The following CALN1 variants were observed in gnomAD, a reference collection of about 807,000 sequenced individuals.
CALN1 encodes the protein calneuron 1, also known as calcium-binding protein 8.
Under a neutral mutation model 30.6 loss-of-function variants are expected in CALN1, and 17 were observed. The observed-to-expected ratio is 0.56, with a 90% CI of 0.38 to 0.83. CALN1 has a LOEUF of 0.83. Ranked by LOEUF, CALN1 falls within the 40% of genes least tolerant of loss-of-function variation. The pLI is 0.00. For synonymous variants in CALN1, 156 were observed against 131.4 expected (o/e 1.19, Z -1.28); for missense variants, 291 against 354.9 (o/e 0.82, Z 1.45).
chr7:71,934,597 G>A (rs1018632714), intron 5 of CALN1, among the ~76,000 whole-genome samples: 1 of 152,162 alleles, frequency 6.6e-6, no homozygotes, highest in South Asian at 2.1e-4. Context: ...TGAACTAACA[G>A]AACGAGAACT....
chr7:72,403,463 C>G (rs904999654), intron 1 of CALN1, 21 bp from the exon 2 acceptor site: 4 of 978,378 alleles, frequency 4.1e-6, no homozygotes, highest in African/African-American at 3.3e-5. Context: ...TTGACAGAAA[C>G]TTACAGCCTG....
intron 5 of CALN1, among the ~76,000 whole-genome samples, chr7:71,816,580 T>A (rs1788275391): frequency 6.6e-6 from 1 of 151,532 alleles, no homozygotes; most frequent in African/African-American, 2.4e-5. Context: ...TGTTGAGAGG[T>A]TGCTGTCATT....
intron 3 of CALN1, among the ~76,000 whole-genome samples, chr7:72,109,773 G>C (rs918443330): frequency 2.0e-5 from 3 of 152,200 alleles, no homozygotes; most frequent in African/African-American, 7.2e-5. Flanking sequence ...CAGAGGCCAG[G>C]CCTCCCGACG....
At chr7:71,952,469 A>C (rs1428435792) in intron 5 of CALN1, among the ~76,000 whole-genome samples, 1 of 152,172 alleles carries the variant, frequency 6.6e-6, no homozygotes, top group Admixed American at 6.5e-5. Flanking sequence ...GCTCTGGGTG[A>C]GGGGAAGGGG....
chr7:72,220,532 A>T (rs916954622), intron 3 of CALN1, among the ~76,000 whole-genome samples: 1 of 150,040 alleles, frequency 6.7e-6, no homozygotes, highest in Non-Finnish European at 1.5e-5. Context: ...TAGCAGCATG[A>T]TTTATAATCC....
chr7:72,113,241 C>G (rs1404141937), intron 3 of CALN1, among the ~76,000 whole-genome samples: 1 of 152,052 alleles, frequency 6.6e-6, no homozygotes, highest in Non-Finnish European at 1.5e-5. Context: ...TGCATGAGTC[C>G]TCAATTAGTT....
Position 72,119,123 on chromosome 7 carries a change from A to C in CALN1, c.245-12829T>G, listed in dbSNP as rs979028904. 2.0e-5 allele frequency among the ~76,000 whole-genome samples: 3 copies of C among 152,182 alleles called. No homozygotes were observed. The East Asian group carries it at 5.8e-4, about 29-fold the overall frequency. ...TTTCTTTGCTCATGGGTATTTTCAAAGTCTCTATTGTAAACTTGCTGTATT... is the reference window on the plus strand; with the variant it reads ...TTTCTTTGCTCATGGGTATTTTCAACGTCTCTATTGTAAACTTGCTGTATT... On this transcript the variant is annotated intron_variant, in intron 3 of 6. Coordinates refer to ENST00000395275, the MANE Select transcript of CALN1 (RefSeq NM_031468.4).
intron 2 of CALN1, among the ~76,000 whole-genome samples, chr7:72,326,350 C>A (rs1293507475): frequency 6.6e-6 from 1 of 152,214 alleles, no homozygotes; most frequent in Non-Finnish European, 1.5e-5. Context: ...AGCCGTGACC[C>A]TGTGCAACAT....
chr7:72,461,022 C>T, the CALN1 span, among the ~76,000 whole-genome samples: 1 of 152,138 alleles, frequency 6.6e-6, no homozygotes, highest in African/African-American at 2.4e-5. Flanking sequence ...TCCAGCTTCC[C>T]CTCTCCTTCC....
At chr7:72,189,662 G>A (rs766961440) in intron 3 of CALN1, among the ~76,000 whole-genome samples, 27 of 151,944 alleles carry the variant, frequency 1.8e-4, no homozygotes, top group Non-Finnish European at 3.2e-4. Flanking sequence ...CAGCTACTCC[G>A]GAGGCTGAGG....
intron 5 of CALN1, among the ~76,000 whole-genome samples, chr7:71,820,433 C>T (rs1396780412): frequency 6.6e-6 from 1 of 152,222 alleles, no homozygotes; most frequent in African/African-American, 2.4e-5. Flanking sequence ...AGGGCTGTGT[C>T]ATAGGCCATT....
At chr7:72,160,014 G>A (rs1374853378) in intron 3 of CALN1, among the ~76,000 whole-genome samples, 1 of 152,146 alleles carries the variant, frequency 6.6e-6, no homozygotes, top group Admixed American at 6.5e-5. Flanking sequence ...CTTCCAAAGT[G>A]AAGGCAGGTG....
chr7:72,032,260 G>T (rs529754222), intron 4 of CALN1, among the ~76,000 whole-genome samples: 1 of 150,370 alleles, frequency 6.7e-6, no homozygotes, highest in African/African-American at 2.5e-5. Flanking sequence ...GGGTTTCATC[G>T]TGGTCTCGAT....
intron 2 of CALN1, among the ~76,000 whole-genome samples, chr7:72,344,739 TG>T (rs1270369118): frequency 1.4e-5 from 2 of 147,402 alleles, no homozygotes; most frequent in East Asian, 3.9e-4. Flanking sequence ...TTTTTATAAA[TG>T]GAATATAAAT....
rs574659436 is a variant in CALN1 at position 72,399,251 on chromosome 7, G to A, written c.119+4000C>T. Among the ~76,000 whole-genome samples the A allele has an allele frequency of 1.2e-4, 17 of 145,176 alleles. 1 individual carries two copies. The highest frequency in any genetic ancestry group is 2.1e-4 in the Non-Finnish European group (14 of 66,728). On this transcript the variant is annotated intron_variant, in intron 2 of 6. Coordinates refer to ENST00000395275, the MANE Select transcript of CALN1 (RefSeq NM_031468.4). The stretch of plus-strand genomic sequence containing the variant: ...GTCCCTACCTCTACAGTCCCCAGCC[G>A]GTTTTGTCTAACCTATTGCTTTTTT...
At chr7:71,999,827 T>A (rs1481500535) in intron 5 of CALN1, among the ~76,000 whole-genome samples, 3 of 152,132 alleles carry the variant, frequency 2.0e-5, no homozygotes, top group Non-Finnish European at 2.9e-5. Flanking sequence ...GCATTTTTTT[T>A]AAATGACTAC....
At chr7:72,187,029 G>T (rs1290970824) in intron 3 of CALN1, among the ~76,000 whole-genome samples, 1 of 151,912 alleles carries the variant, frequency 6.6e-6, no homozygotes, top group African/African-American at 2.4e-5. Context: ...GATGATGAAA[G>T]TGGAACCAAT....
At chr7:72,446,265 TAGATGTTC>T (rs1808523394) in intron 1 of CALN1, among the ~76,000 whole-genome samples, 1 of 152,178 alleles carries the variant, frequency 6.6e-6, no homozygotes, top group Admixed American at 6.5e-5. Flanking sequence ...GATTTGCAGA[TAGATGTTC>T]TCTGAGCCCA....
upstream of CALN1, among the ~76,000 whole-genome samples, chr7:72,448,796 A>G (rs1326671168): frequency 1.3e-5 from 2 of 152,000 alleles, no homozygotes; most frequent in Non-Finnish European, 1.5e-5. Flanking sequence ...TAGTAGAGAC[A>G]GGGTTTCACC....
Sources: gnomAD v4.1 joint callset for allele counts (sites outside exome capture counted in the v4.1 genomes callset) on GRCh38, gnomAD v4.1.1 for gene constraint, MANE v1.5 for transcripts, NCBI Gene and HGNC (gene_info 2026-07-23, HGNC 2026-07-21) for gene names.